Variants in PCLO observed in about 807,000 individuals in gnomAD.
PCLO encodes the protein piccolo presynaptic cytomatrix protein, also known as protein piccolo.
PCLO carries 82 observed loss-of-function variants against 427.5 expected under a neutral mutation model. The ratio of observed to expected loss-of-function variants is 0.19; its 90% CI spans 0.16 to 0.23. PCLO has a LOEUF of 0.23. Among genes scored for constraint, PCLO ranks in the 10% least tolerant of loss-of-function variants. The pLI is 1.00. For synonymous variants in PCLO, 2,357 were observed against 2,155.4 expected (o/e 1.09, Z -2.59); for missense variants, 6,239 against 6,115.9 (o/e 1.02, Z -0.67).
At chr7:82,885,693 G>T (rs76380505) in intron 9 of PCLO, among the ~76,000 whole-genome samples, 2,288 of 152,038 alleles carry the variant, frequency 0.015, 21 homozygotes, top group Middle Eastern at 0.031. Flanking sequence ...AGGGAAATGG[G>T]CTGGGTAAAA....
chr7:83,092,593 G>A (rs1790405224), intron 3 of PCLO, among the ~76,000 whole-genome samples: 1 of 152,124 alleles, frequency 6.6e-6, no homozygotes, highest in Non-Finnish European at 1.5e-5. Flanking sequence ...ACCCAGTCAA[G>A]TGTGGAAGAG....
intron 4 of PCLO, 130 bp from the exon 5 acceptor site, chr7:82,957,065 T>C (rs1795543490): frequency 1.0e-6 from 1 of 980,124 alleles, no homozygotes; most frequent in South Asian, 3.1e-5. Context: ...CATATCTCAG[T>C]ATTTTTTAAA....
intron 10 of PCLO, among the ~76,000 whole-genome samples, chr7:82,877,224 C>T (rs1043920380): frequency 3.3e-5 from 5 of 151,764 alleles, no homozygotes; most frequent in Non-Finnish European, 5.9e-5. Context: ...GAATATACTG[C>T]GTTGATATTG....
chr7:82,857,063 C>T (rs1279454336), intron 10 of PCLO, among the ~76,000 whole-genome samples: 1 of 152,104 alleles, frequency 6.6e-6, no homozygotes, highest in Non-Finnish European at 1.5e-5. Flanking sequence ...TCTCAAGATG[C>T]CAGCACTGTG....
intron 20 of PCLO, among the ~76,000 whole-genome samples, chr7:82,811,311 C>T (rs1056318220): frequency 1.3e-5 from 2 of 151,526 alleles, no homozygotes; most frequent in African/African-American, 4.8e-5. Flanking sequence ...GTATTTACTT[C>T]AGGTACCTTT....
At chr7:82,862,948 T>G (rs1192109669) in intron 10 of PCLO, among the ~76,000 whole-genome samples, 1 of 152,010 alleles carries the variant, frequency 6.6e-6, no homozygotes, top group African/African-American at 2.4e-5. Flanking sequence ...CACAATAGTG[T>G]GACTATAGTC....
At chr7:83,096,193 C>T (rs537872034) in intron 3 of PCLO, among the ~76,000 whole-genome samples, 1 of 152,138 alleles carries the variant, frequency 6.6e-6, no homozygotes, top group Non-Finnish European at 1.5e-5. Context: ...CACACTACTG[C>T]TTTTGAAACA....
intron 3 of PCLO, among the ~76,000 whole-genome samples, chr7:83,017,481 T>G (rs41601): frequency 3.3e-5 from 5 of 151,772 alleles, no homozygotes; most frequent in African/African-American, 9.7e-5. Context: ...CAGGACACAT[T>G]TGTCAATATC....
chr7:83,076,173 T>C (rs190352788), intron 3 of PCLO, among the ~76,000 whole-genome samples: 56 of 152,064 alleles, frequency 3.7e-4, no homozygotes, highest in East Asian at 3.9e-4. Context: ...TAACAGTTCA[T>C]ATTGAAATGT....
chr7:82,817,590 G>GT (rs1162109938), intron 20 of PCLO, among the ~76,000 whole-genome samples: 3 of 152,122 alleles, frequency 2.0e-5, no homozygotes, highest in Non-Finnish European at 4.4e-5. Flanking sequence ...TGATGGCTTA[G>GT]TAAGAGTTCA....
chr7:83,019,239 G>A (rs1788282671), intron 3 of PCLO, among the ~76,000 whole-genome samples: 1 of 151,882 alleles, frequency 6.6e-6, no homozygotes, highest in Non-Finnish European at 1.5e-5. Flanking sequence ...AAATAGTGTA[G>A]CTATTTTAGC....
intron 3 of PCLO, among the ~76,000 whole-genome samples, chr7:83,036,199 G>A (rs1788789629): frequency 1.3e-5 from 2 of 152,062 alleles, no homozygotes; most frequent in African/African-American, 2.4e-5. Flanking sequence ...TTAGCACAGT[G>A]GTTCTCAAAC....
intron 22 of PCLO, among the ~76,000 whole-genome samples, chr7:82,798,367 T>G (rs1197222456): frequency 6.6e-6 from 1 of 152,126 alleles, no homozygotes; most frequent in African/African-American, 2.4e-5. Context: ...TAAAAAAAAT[T>G]GAATTGACTC....
At position 83,156,370 on chromosome 7, in the gene PCLO, GACT is replaced by G. The variant is rs769480895; in HGVS notation, c.268_270del (p.Ser90del). 4.4e-6 allele frequency: 7 copies of G among 1,589,214 alleles called. No homozygotes were observed. In the African/African-American group the frequency reaches 9.7e-5, roughly 22 times the overall value. ...GGTCTTCCTGATTGCTTTGGAGGAT[GACT>G]ACTATCCAACTCTTGTTTCCTAGAA... is the stretch of plus-strand genomic sequence containing the variant. On this transcript the variant is annotated inframe_deletion, in exon 2 of 25. Coordinates refer to ENST00000333891, the MANE Select transcript of PCLO (RefSeq NM_033026.6).
intron 3 of PCLO, among the ~76,000 whole-genome samples, chr7:83,064,709 A>G (rs1789622703): frequency 6.6e-6 from 1 of 152,090 alleles, no homozygotes; most frequent in African/African-American, 2.4e-5. Flanking sequence ...CTGAAAGGAC[A>G]GACAGATTCT....
At chr7:82,771,401 T>TA (rs984089507) in intron 22 of PCLO, among the ~76,000 whole-genome samples, 1 of 151,338 alleles carries the variant, frequency 6.6e-6, no homozygotes, top group African/African-American at 2.4e-5. Flanking sequence ...GGTTTTCAAG[T>TA]AAAAAAAAAT....
At chr7:83,093,500 T>A (rs1188034565) in intron 3 of PCLO, among the ~76,000 whole-genome samples, 2 of 94,998 alleles carry the variant, frequency 2.1e-5, no homozygotes, top group African/African-American at 4.1e-5. Flanking sequence ...ATATTTTTTT[T>A]TTTTTTTTTT....
intron 4 of PCLO, 131 bp from the exon 5 acceptor site, chr7:82,957,066 A>G: frequency 1.0e-6 from 1 of 973,768 alleles, no homozygotes. Flanking sequence ...ATATCTCAGT[A>G]TTTTTTAAAA....
chr7:82,850,906 A>T (rs985185910), intron 10 of PCLO, among the ~76,000 whole-genome samples: 1 of 152,156 alleles, frequency 6.6e-6, no homozygotes, highest in African/African-American at 2.4e-5. Context: ...AAACTTTTGC[A>T]AGTATATGAA....
Sources: gnomAD v4.1 joint callset for allele counts (sites outside exome capture counted in the v4.1 genomes callset) on GRCh38, gnomAD v4.1.1 for gene constraint, MANE v1.5 for transcripts, NCBI Gene and HGNC (gene_info 2026-07-23, HGNC 2026-07-21) for gene names.